Variants in PTPRC observed in about 807,000 individuals in gnomAD.
The protein encoded by PTPRC is receptor-type tyrosine-protein phosphatase C.
PTPRC carries 44 observed loss-of-function variants against 155.9 expected under a neutral mutation model. The observed-to-expected ratio is 0.28, with a 90% CI of 0.22 to 0.36. The LOEUF (loss-of-function observed/expected upper bound fraction) is 0.36. Ranked by LOEUF, PTPRC falls within the 10% of genes least tolerant of loss-of-function variation. PTPRC has a pLI of 1.00. For missense variants in PTPRC, 1,401 were observed against 1,564.6 expected (o/e 0.90, Z 1.76); for synonymous variants, 525 against 533.1 (o/e 0.98, Z 0.21).
intron 2 of PTPRC, among the ~76,000 whole-genome samples, chr1:198,680,422 C>T (rs556187161): frequency 1.3e-5 from 2 of 150,332 alleles, no homozygotes; most frequent in African/African-American, 4.9e-5. Flanking sequence ...CACGGCACTC[C>T]AGCCTGGGCC....
chr1:198,651,520 G>A (rs1663251238), intron 2 of PTPRC, among the ~76,000 whole-genome samples: 1 of 151,538 alleles, frequency 6.6e-6, no homozygotes, highest in Non-Finnish European at 1.5e-5. Context: ...TCTCAGGCTT[G>A]GCAGGTTTCC....
chr1:198,684,973 G>A (rs1665538684), intron 2 of PTPRC, among the ~76,000 whole-genome samples: 1 of 151,926 alleles, frequency 6.6e-6, no homozygotes. Flanking sequence ...TTTGGACATT[G>A]GTGGAGCTCA....
At chr1:198,708,850 C>T (rs1412172821) in intron 10 of PTPRC, among the ~76,000 whole-genome samples, 1 of 152,200 alleles carries the variant, frequency 6.6e-6, no homozygotes, top group Admixed American at 6.5e-5. Context: ...AACTCTCCCA[C>T]CCTTTGACTT....
At chr1:198,699,950 AAT>A (rs1010488285) in intron 5 of PTPRC, 2 of 590,012 alleles carry the variant, frequency 3.4e-6, no homozygotes, top group African/African-American at 3.7e-5. Flanking sequence ...AGTTATTCAG[AAT>A]AGTCTATTTT....
intron 3 of PTPRC, among the ~76,000 whole-genome samples, chr1:198,695,382 T>A (rs1666147796): frequency 1.7e-5 from 2 of 121,096 alleles, no homozygotes; most frequent in South Asian, 2.4e-4. Context: ...AATATTTAAA[T>A]TTTTTTTTTT....
chr1:198,708,401 T>C (rs1653113674), intron 10 of PTPRC, 140 bp downstream of exon 10: 3 of 809,770 alleles, frequency 3.7e-6, no homozygotes, highest in Non-Finnish European at 5.6e-6. Flanking sequence ...TTCTTTCTTG[T>C]CTTTTTCTTG....
In PTPRC at chr1:198,706,628, T is replaced by C. The variant is rs888788362; in HGVS notation, c.686-106T>C. 58 of 1,271,542 alleles carry C rather than the reference T, an allele frequency of 4.6e-5. No individual in the cohort carries two copies. In the African/African-American group the frequency reaches 8.1e-4, roughly 18 times the overall value. The allele number at this position is 1,271,542 out of a possible 1,614,324, so 78.8% of individuals were successfully genotyped here. ...CACCTAATGTGTTTTTTCTTTTTCA[T>C]GTTTTTTGGGGATATTTGGTTAGTT... On this transcript the variant is annotated intron_variant, in intron 8 of 32. Coordinates refer to ENST00000442510, the MANE Select transcript of PTPRC (RefSeq NM_002838.5).
At chr1:198,728,140 T>C (rs773085970) in intron 15 of PTPRC, among the ~76,000 whole-genome samples, 200 bp from the exon 16 acceptor site, 33 of 152,324 alleles carry the variant, frequency 2.2e-4, no homozygotes, top group Non-Finnish European at 4.0e-4. Context: ...ATAAAATGTT[T>C]TCATTGGTTC....
intron 2 of PTPRC, among the ~76,000 whole-genome samples, chr1:198,658,995 A>C (rs994809845): frequency 6.6e-6 from 1 of 152,196 alleles, no homozygotes; most frequent in Non-Finnish European, 1.5e-5. Flanking sequence ...CTGCTAAGGA[A>C]AAGAATTTTC....
In PTPRC at chr1:198,756,478, G is replaced by GAGAA. The variant is rs765103630; in HGVS notation, c.*301_*304dup. 4 of 256,350 alleles carry GAGAA rather than the reference G, an allele frequency of 1.6e-5. No individual in the cohort carries two copies. Among genetic ancestry groups the GAGAA allele is most frequent in the African/African-American group, 4.5e-5 (2 of 44,514 alleles). 15.9% of individuals were successfully genotyped at this position (256,350 alleles called of 1,614,324 possible). ...TGGGTGTGTGTTTGTGTGAGAGACA[G>GAGAA]AGAAAGAGAGAGAATTCTTTCAAGT... On this transcript the variant is annotated 3_prime_UTR_variant, in exon 33 of 33. Coordinates refer to ENST00000442510, the MANE Select transcript of PTPRC (RefSeq NM_002838.5).
At chr1:198,655,170 G>T (rs1326273) in intron 2 of PTPRC, among the ~76,000 whole-genome samples, 104,456 of 151,354 alleles carry the variant, frequency 0.69, 37,315 homozygotes, top group East Asian at 0.89. Context: ...CAAGTTGCCG[G>T]TTTTTTTTAA....
At chr1:198,653,874 A>G (rs1468154176) in intron 2 of PTPRC, among the ~76,000 whole-genome samples, 2 of 151,918 alleles carry the variant, frequency 1.3e-5, no homozygotes, top group Admixed American at 6.6e-5. Context: ...TTAAAGATCT[A>G]TTTTGTCCAT....
At chr1:198,698,243 G>C (rs557977718) in intron 4 of PTPRC, among the ~76,000 whole-genome samples, 1 of 152,150 alleles carries the variant, frequency 6.6e-6, no homozygotes, top group African/African-American at 2.4e-5. Flanking sequence ...GTATGAGAAA[G>C]GTTTAAAGTT....
At chr1:198,726,045 G>T (rs1409545502) in intron 15 of PTPRC, among the ~76,000 whole-genome samples, 1 of 152,152 alleles carries the variant, frequency 6.6e-6, no homozygotes, top group African/African-American at 2.4e-5. Context: ...TTTATCTGAA[G>T]ACTTGGCTAT....
At chr1:198,717,711 G>A (rs1209898120) in intron 13 of PTPRC, among the ~76,000 whole-genome samples, 1 of 151,988 alleles carries the variant, frequency 6.6e-6, no homozygotes, top group Admixed American at 6.6e-5. Flanking sequence ...TTAGCACTCC[G>A]GGAAAGAAGG....
At chr1:198,649,662 G>A (rs1406933505) in intron 2 of PTPRC, among the ~76,000 whole-genome samples, 2 of 151,734 alleles carry the variant, frequency 1.3e-5, no homozygotes, top group Non-Finnish European at 2.9e-5. Flanking sequence ...GTTTCCTCGT[G>A]TGTAAAATGG....
chr1:198,696,693 AT>A lies in PTPRC; in HGVS notation c.101-15del. The A allele has an allele frequency of 6.2e-7, 1 of 1,603,338 alleles. No individual in the cohort carries two copies. The highest frequency in any genetic ancestry group is 8.5e-7 in the Non-Finnish European group (1 of 1,170,266). ...CACATATTTATTTTGTCCTTCTCCCATTTTCCATTAATTAACAGGATTGACT... is the reference window on the plus strand; with the variant it reads ...CACATATTTATTTTGTCCTTCTCCCATTTCCATTAATTAACAGGATTGACT... On this transcript the variant is annotated intron_variant, in intron 3 of 32. Transcript: ENST00000442510.
rs1654917627 is a variant in PTPRC at position 198,741,953 on chromosome 1, T to C, written c.2488T>C (p.Leu830=). The C allele has an allele frequency of 6.2e-7, 1 of 1,611,970 alleles. No homozygotes were observed. The highest frequency in any genetic ancestry group is 8.5e-7 in the Non-Finnish European group (1 of 1,178,946). ...PDHGVPEDPH[L]LLKLRRRVNA... is the part of the protein sequence containing the mutation. Reference sequence around the variant, plus strand: ...CCACGGGGTGCCTGAGGATCCTCACTTGCTCCTCAAACTGAGAAGGAGAGT... The same window carrying C: ...CCACGGGGTGCCTGAGGATCCTCACCTGCTCCTCAAACTGAGAAGGAGAGT... Residue 830 remains leucine (L), a synonymous_variant, in exon 24 of 33, where the codon TTG becomes CTG. Coordinates refer to ENST00000442510, the MANE Select transcript of PTPRC (RefSeq NM_002838.5).
intron 12 of PTPRC, 133 bp downstream of exon 12, chr1:198,713,205 C>T: frequency 8.0e-7 from 1 of 1,247,460 alleles, no homozygotes; most frequent in Non-Finnish European, 1.1e-6. Context: ...ACTCCCTGAT[C>T]TTAGAATTGC....
Sources: allele counts gnomAD v4.1 joint callset (sites outside exome capture counted in the v4.1 genomes callset), GRCh38; gene constraint gnomAD v4.1.1; transcripts MANE v1.5; gene names NCBI Gene and HGNC (gene_info 2026-07-23, HGNC 2026-07-21).